Variants in SLC7A11 observed in about 807,000 individuals in gnomAD.
SLC7A11 encodes solute carrier family 7 member 11, also known as cystine/glutamate transporter.
In SLC7A11, 35 loss-of-function variants were observed where a neutral mutation model predicts 54.5. That is an observed-to-expected ratio of 0.64 (90% CI 0.49 to 0.85). The LOEUF (loss-of-function observed/expected upper bound fraction) is 0.85. SLC7A11 is among the 40% of genes least tolerant of loss of function. The pLI is 0.00. For synonymous variants in SLC7A11, 230 were observed against 225.2 expected (o/e 1.02, Z -0.19); for missense variants, 583 against 618.1 (o/e 0.94, Z 0.60).
chr4:138,233,749 A>T (rs1738139832), intron 2 of SLC7A11, among the ~76,000 whole-genome samples: 1 of 152,178 alleles, frequency 6.6e-6, no homozygotes, highest in South Asian at 2.1e-4. Context: ...AAATCTGATT[A>T]TGTCATTTTA....
At chr4:138,193,490 C>A (rs1190384139) in intron 6 of SLC7A11, among the ~76,000 whole-genome samples, 2 of 152,084 alleles carry the variant, frequency 1.3e-5, no homozygotes, top group African/African-American at 4.8e-5. Context: ...CCAATGCTGG[C>A]TTCCTATAGT....
intron 6 of SLC7A11, among the ~76,000 whole-genome samples, chr4:138,203,766 A>C (rs1737343012): frequency 6.6e-6 from 1 of 152,068 alleles, no homozygotes; most frequent in Non-Finnish European, 1.5e-5. Context: ...ATCCACTAAA[A>C]TTGTCATAAA....
At chr4:138,213,310 T>C (rs1454301786) in intron 6 of SLC7A11, among the ~76,000 whole-genome samples, 2 of 152,086 alleles carry the variant, frequency 1.3e-5, no homozygotes, top group Non-Finnish European at 2.9e-5. Flanking sequence ...TACCAATTGC[T>C]GGCTTATGTG....
intron 3 of SLC7A11, among the ~76,000 whole-genome samples, chr4:138,230,249 G>C (rs533298928): frequency 6.6e-6 from 1 of 151,964 alleles, no homozygotes; most frequent in African/African-American, 2.4e-5. Flanking sequence ...ACAGACACTG[G>C]GCCTGCTTGA....
chr4:138,215,668 C>T (rs1234894637), intron 5 of SLC7A11, among the ~76,000 whole-genome samples: 8 of 151,852 alleles, frequency 5.3e-5, no homozygotes, highest in Admixed American at 4.6e-4. Context: ...AAGCAACAAT[C>T]AGTACTTATA....
intron 3 of SLC7A11, among the ~76,000 whole-genome samples, chr4:138,231,525 T>C (rs1738079314): frequency 6.6e-6 from 1 of 152,188 alleles, no homozygotes; most frequent in Admixed American, 6.5e-5. Flanking sequence ...TGTGATCATA[T>C]TGATTCTTAA....
At chr4:138,221,936 T>A (rs1374976240) in intron 4 of SLC7A11, among the ~76,000 whole-genome samples, 1 of 152,210 alleles carries the variant, frequency 6.6e-6, no homozygotes, top group East Asian at 1.9e-4. Context: ...TACAGAAGAC[T>A]GAAGAGTTAG....
At chr4:138,183,552 A>T (rs1383092500) in intron 7 of SLC7A11, among the ~76,000 whole-genome samples, 1 of 152,180 alleles carries the variant, frequency 6.6e-6, no homozygotes, top group African/African-American at 2.4e-5. Context: ...ACTTTCAAAA[A>T]GCAATGATCC....
chr4:138,197,690 C>T (rs62324369), intron 6 of SLC7A11, among the ~76,000 whole-genome samples: 25,335 of 151,698 alleles, frequency 0.17, 2,265 homozygotes, highest in East Asian at 0.32. Flanking sequence ...AGAGTAAAAA[C>T]GACCTCTATG....
intron 6 of SLC7A11, among the ~76,000 whole-genome samples, chr4:138,188,885 T>C (rs1417414044): frequency 6.6e-6 from 1 of 152,246 alleles, no homozygotes; most frequent in African/African-American, 2.4e-5. Flanking sequence ...TAGTACATGT[T>C]TGTTATGACT....
intron 6 of SLC7A11, among the ~76,000 whole-genome samples, chr4:138,187,482 G>A (rs956684551): frequency 6.6e-6 from 1 of 152,096 alleles, no homozygotes; most frequent in Non-Finnish European, 1.5e-5. Context: ...TACACAATTA[G>A]TAAGTGGAAG....
At chr4:138,236,550 T>C (rs1278744845) in intron 1 of SLC7A11, 99 bp from the exon 2 acceptor site, 1 of 1,164,180 alleles carries the variant, frequency 8.6e-7, no homozygotes, top group Non-Finnish European at 1.2e-6. Context: ...GCCTGAGATG[T>C]AACTGCCTCC....
intron 6 of SLC7A11, among the ~76,000 whole-genome samples, chr4:138,212,817 A>G (rs1193605190): frequency 1.3e-5 from 2 of 151,994 alleles, no homozygotes; most frequent in African/African-American, 2.4e-5. Context: ...ACCACTGATG[A>G]ATCATATAAT....
intron 6 of SLC7A11, among the ~76,000 whole-genome samples, chr4:138,187,072 G>C (rs979786954): frequency 6.6e-6 from 1 of 152,132 alleles, no homozygotes; most frequent in Non-Finnish European, 1.5e-5. Context: ...CACATCACAT[G>C]ATGCTGCAAA....
At chr4:138,180,852 A>G (rs1265508039) in intron 9 of SLC7A11, 62 bp from the exon 10 acceptor site, 1 of 1,459,070 alleles carries the variant, frequency 6.9e-7, no homozygotes, top group Non-Finnish European at 9.4e-7. Context: ...ATTAACAACA[A>G]AAACCTCACT....
chr4:138,239,671 CTTTT>C (rs146773224), intron 1 of SLC7A11, among the ~76,000 whole-genome samples: 8,853 of 152,096 alleles, frequency 0.058, 806 homozygotes, highest in East Asian at 0.41. Flanking sequence ...CTGTTTCTCT[CTTTT>C]TATTTTTTTT....
At chr4:138,189,968 T>C (rs996784320) in intron 6 of SLC7A11, among the ~76,000 whole-genome samples, 7 of 152,278 alleles carry the variant, frequency 4.6e-5, no homozygotes, top group African/African-American at 1.7e-4. Flanking sequence ...ATTTAGGATA[T>C]TTCAAGATTA....
intron 6 of SLC7A11, among the ~76,000 whole-genome samples, chr4:138,201,501 T>G (rs1039259323): frequency 6.6e-6 from 1 of 152,090 alleles, no homozygotes; most frequent in Non-Finnish European, 1.5e-5. Context: ...AAAAATATTG[T>G]ATGTTCTTGA....
chr4:138,171,896 T>TA lies in SLC7A11; in HGVS notation c.*59dup. 1.3e-6 allele frequency: 2 copies of TA among 1,549,508 alleles called. No individual in the cohort carries two copies. The highest frequency in any genetic ancestry group is 1.7e-6 in the Non-Finnish European group (2 of 1,159,012). ...TTCTCTAGACTTTCAGAAAATGAAG[T>TA]AAAAATCCCTATTTTGTGTCTCCCC... On this transcript the variant is annotated 3_prime_UTR_variant, in exon 12 of 12. Transcript: ENST00000280612.
Sources: allele counts gnomAD v4.1 joint callset (sites outside exome capture counted in the v4.1 genomes callset), GRCh38; gene constraint gnomAD v4.1.1; transcripts MANE v1.5; gene names NCBI Gene and HGNC (gene_info 2026-07-23, HGNC 2026-07-21).